The following RBFOX1 variants were observed in gnomAD, a reference collection of about 807,000 sequenced individuals.
RBFOX1 encodes RNA binding fox-1 homolog 1.
RBFOX1 carries 8 observed loss-of-function variants against 57.7 expected under a neutral mutation model. That is an observed-to-expected ratio of 0.14 (90% confidence interval 0.08 to 0.25). The LOEUF (loss-of-function observed/expected upper bound fraction) is 0.25. Among genes scored for constraint, RBFOX1 ranks in the 10% least tolerant of loss-of-function variants. RBFOX1 has a pLI of 1.00. For synonymous variants in RBFOX1, 326 were observed against 222.4 expected, an observed-to-expected ratio of 1.47 and a Z score of -4.15; for missense variants, 611 against 548.5, an observed-to-expected ratio of 1.11 and a Z score of -1.14.
intron 4 of RBFOX1, among the ~76,000 whole-genome samples, chr16:7,487,684 C>G (rs1567450698): frequency 6.6e-6 from 1 of 152,092 alleles, no homozygotes; most frequent in Non-Finnish European, 1.5e-5. Context: ...CAGACACTCA[C>G]ACACACACAT....
At chr16:7,477,351 C>A (rs530203983) in intron 4 of RBFOX1, among the ~76,000 whole-genome samples, 1 of 152,136 alleles carries the variant, frequency 6.6e-6, no homozygotes, top group Non-Finnish European at 1.5e-5. Flanking sequence ...AGCCCTAAAT[C>A]ATTGTGAGGA....
chr16:7,325,863 C>A (rs149701544), intron 4 of RBFOX1, among the ~76,000 whole-genome samples: 2 of 152,146 alleles, frequency 1.3e-5, no homozygotes, highest in Non-Finnish European at 1.5e-5. Context: ...ATTTTTCTTG[C>A]GGTCCATGCT....
At chr16:6,031,129 C>G (rs1008388704) in intron 1 of RBFOX1, among the ~76,000 whole-genome samples, 1 of 152,160 alleles carries the variant, frequency 6.6e-6, no homozygotes, top group Non-Finnish European at 1.5e-5. Flanking sequence ...AGGGAAATGT[C>G]TCCAAGGAGA....
At chr16:6,270,557 A>G (rs1243804844) in intron 1 of RBFOX1, among the ~76,000 whole-genome samples, 1 of 152,250 alleles carries the variant, frequency 6.6e-6, no homozygotes, top group East Asian at 1.9e-4. Flanking sequence ...ATGTGCACTC[A>G]TTAAACACAG....
chr16:7,152,868 A>T (rs921715017), intron 4 of RBFOX1, among the ~76,000 whole-genome samples: 1 of 152,186 alleles, frequency 6.6e-6, no homozygotes, highest in Non-Finnish European at 1.5e-5. Context: ...GCACTTAATC[A>T]TTTGCAAGAC....
chr16:6,955,890 G>C (rs1031394172), intron 3 of RBFOX1, among the ~76,000 whole-genome samples: 4 of 151,994 alleles, frequency 2.6e-5, no homozygotes, highest in Non-Finnish European at 4.4e-5. Flanking sequence ...AATTTTAGTA[G>C]AGATGGGGTT....
At chr16:7,241,679 A>G (rs933278347) in intron 4 of RBFOX1, among the ~76,000 whole-genome samples, 7 of 152,148 alleles carry the variant, frequency 4.6e-5, no homozygotes, top group African/African-American at 1.7e-4. Context: ...ATTACAAAAA[A>G]TCTACATCTG....
intron 4 of RBFOX1, among the ~76,000 whole-genome samples, chr16:7,377,128 A>C (rs868142498): frequency 6.6e-6 from 1 of 152,210 alleles, no homozygotes; most frequent in Admixed American, 6.5e-5. Context: ...CTATTGAGGA[A>C]ATTACCTTTT....
At chr16:6,917,885 A>T (rs187181557) in intron 3 of RBFOX1, among the ~76,000 whole-genome samples, 1 of 152,288 alleles carries the variant, frequency 6.6e-6, no homozygotes, top group Admixed American at 6.5e-5. Flanking sequence ...AACTGACACA[A>T]GTCGAAAGAG....
intron 3 of RBFOX1, among the ~76,000 whole-genome samples, chr16:6,896,484 A>T (rs1020909176): frequency 6.6e-6 from 1 of 151,844 alleles, no homozygotes; most frequent in African/African-American, 2.4e-5. Flanking sequence ...AATTGTTTTG[A>T]CTTTTAGATC....
intron 2 of RBFOX1, among the ~76,000 whole-genome samples, chr16:6,401,404 C>A (rs2093062430): frequency 6.6e-6 from 1 of 152,186 alleles, no homozygotes; most frequent in South Asian, 2.1e-4. Flanking sequence ...ATAAGCATAA[C>A]TCACACCTGT....
intron 4 of RBFOX1, among the ~76,000 whole-genome samples, chr16:7,063,875 T>G (rs2055238159): frequency 6.6e-6 from 1 of 152,236 alleles, no homozygotes; most frequent in African/African-American, 2.4e-5. Flanking sequence ...ATAGGTTATA[T>G]GCAAATATCA....
At chr16:5,693,704 A>G (rs376862683) in intron 3 of RBFOX1, among the ~76,000 whole-genome samples, 1 of 152,094 alleles carries the variant, frequency 6.6e-6, no homozygotes, top group East Asian at 1.9e-4. Flanking sequence ...CTTAAATGTC[A>G]CCTACAGTGA....
intron 1 of RBFOX1, among the ~76,000 whole-genome samples, chr16:6,129,781 C>G (rs1051454063): frequency 6.9e-6 from 1 of 145,906 alleles, no homozygotes; most frequent in Non-Finnish European, 1.5e-5. Context: ...TTGAAAACAG[C>G]CAGTGAAAAA....
chr16:7,241,186 C>T (rs575902203), intron 4 of RBFOX1, among the ~76,000 whole-genome samples: 3 of 152,152 alleles, frequency 2.0e-5, no homozygotes, highest in Non-Finnish European at 4.4e-5. Flanking sequence ...TTATTCATAA[C>T]CCTGAAATGT....
At chr16:7,134,613 C>T (rs1405565174) in intron 4 of RBFOX1, among the ~76,000 whole-genome samples, 1 of 152,120 alleles carries the variant, frequency 6.6e-6, no homozygotes, top group Admixed American at 6.6e-5. Context: ...CTCCCTTCAC[C>T]CTGCCCACAT....
intron 3 of RBFOX1, among the ~76,000 whole-genome samples, chr16:6,667,799 G>A (rs1441333323): frequency 6.6e-6 from 1 of 151,974 alleles, no homozygotes; most frequent in Non-Finnish European, 1.5e-5. Context: ...TTAAGGAGAA[G>A]GATCTCTGGA....
intron 3 of RBFOX1, among the ~76,000 whole-genome samples, chr16:5,734,656 C>T (rs549524014): frequency 6.6e-6 from 1 of 152,278 alleles, no homozygotes; most frequent in South Asian, 2.1e-4. Flanking sequence ...TGCCTGTCGC[C>T]TTCCTCTTTG....
chr16:7,114,159 A>T (rs1426496241), intron 4 of RBFOX1, among the ~76,000 whole-genome samples: 1 of 152,198 alleles, frequency 6.6e-6, no homozygotes, highest in Non-Finnish European at 1.5e-5. Context: ...TACTTAAGAG[A>T]TCAGAGTTGG....
Sources: gnomAD v4.1 joint callset for allele counts (sites outside exome capture counted in the v4.1 genomes callset) on GRCh38, gnomAD v4.1.1 for gene constraint, MANE v1.5 for transcripts, NCBI Gene and HGNC (gene_info 2026-07-23, HGNC 2026-07-21) for gene names.